HMGCL: variants seen among roughly 807,000 people sequenced by gnomAD.
HMGCL encodes hydroxymethylglutaryl-CoA lyase, mitochondrial.
A neutral mutation model predicts 37.3 loss-of-function variants in HMGCL; 26 were observed. The observed-to-expected ratio is 0.70, with a 90% CI of 0.51 to 0.97. The LOEUF (loss-of-function observed/expected upper bound fraction) is 0.97. Among genes scored for constraint, HMGCL ranks in the 50% least tolerant of loss-of-function variants. The pLI, the probability that HMGCL is intolerant of heterozygous loss-of-function variation, is 0.00. For missense variants in HMGCL, 379 were observed against 398.1 expected, an observed-to-expected ratio of 0.95 and a Z score of 0.41; for synonymous variants, 151 against 148.0, an observed-to-expected ratio of 1.02 and a Z score of -0.15.
rs181320985 is a variant in HMGCL, at chr1:23,821,267, G to A, written c.61-674C>T. Among the ~76,000 whole-genome samples the A allele has an allele frequency of 9.6e-3, 1,458 of 152,200 alleles. 16 individuals are homozygous for A. The highest frequency in any genetic ancestry group is 0.016 in the Non-Finnish European group (1,096 of 68,022). ...AGCTACTCAAGAGGCTGAGGCAGGA[G>A]AATTGCTTGAACCAGGGAGGTGGAA... On this transcript the variant is annotated intron_variant, in intron 1 of 8. Coordinates refer to ENST00000374490, the MANE Select transcript of HMGCL (RefSeq NM_000191.3).
intron 1 of HMGCL, among the ~76,000 whole-genome samples, chr1:23,821,578 G>A (rs763017974): frequency 7.2e-5 from 11 of 152,110 alleles, no homozygotes; most frequent in Non-Finnish European, 1.6e-4. Flanking sequence ...AGAATCGCTT[G>A]AGCCCAGAAG....
In HMGCL at chr1:23,802,216, G is replaced by T. The variant is rs1361708666; in HGVS notation, c.*247C>A. On this transcript the variant is annotated 3_prime_UTR_variant, in exon 9 of 9. Transcript: ENST00000374490. Reference sequence around the variant, plus strand: ...CTCAGGCATTCAACTCCTGGGCCAGGGTCCGTAACAAAGGGAGACTTCAGC... The same window carrying T: ...CTCAGGCATTCAACTCCTGGGCCAGTGTCCGTAACAAAGGGAGACTTCAGC... 8 of 598,610 alleles carry T rather than the reference G, an allele frequency of 1.3e-5. No individual in the cohort carries two copies. Among genetic ancestry groups the T allele is most frequent in the Non-Finnish European group, 2.4e-5 (8 of 336,852 alleles). The allele number at this position is 598,610 out of a possible 1,614,324, so 37.1% of individuals were successfully genotyped here.
intron 7 of HMGCL, 25 bp downstream of exon 7, chr1:23,808,110 A>G (rs1246693279): frequency 1.2e-6 from 2 of 1,604,874 alleles, no homozygotes; most frequent in African/African-American, 1.3e-5. Context: ...GACCTTTGGG[A>G]GAATGGGCAT....
Position 23,802,492 on chromosome 1 carries a change from T to G in HMGCL, c.949A>C (p.Lys317Gln), listed in dbSNP as rs770526287. 1.9e-6 allele frequency: 3 copies of G among 1,613,956 alleles called. No individual in the cohort carries two copies. Among genetic ancestry groups the G allele is most frequent in the Admixed American group, 3.3e-5 (2 of 60,024 alleles). ...CQALNRKTSS[K>Q]VAQATCKL Reference sequence around the variant, plus strand: ...AGTTTACAGGTAGCCTGAGCCACTTTGGAGCTAGTTTTTCTGTTCAGGGCT... The same window carrying G: ...AGTTTACAGGTAGCCTGAGCCACTTGGGAGCTAGTTTTTCTGTTCAGGGCT... The change falls in exon 9 of 9, where the codon AAA (lysine) becomes CAA (glutamine). Residue 317 changes from lysine to glutamine, a missense_variant. By Grantham distance (53) the Lys-to-Gln change is moderately conservative. Coordinates refer to ENST00000374490, the MANE Select transcript of HMGCL (RefSeq NM_000191.3).
rs1330812634 is a variant in HMGCL at position 23,806,022 on chromosome 1, A to C, written c.751-1497T>G. ...ACTGGCGCCATCTCAGCTCACTGCA[A>C]ATCACTGCAACCTCCACCTCCCGGG... On this transcript the variant is annotated intron_variant, in intron 7 of 8. Transcript: ENST00000374490. The surrounding 1 kb of genome is among the most constrained non-coding windows in gnomAD (Gnocchi z 4.0). Among the ~76,000 whole-genome samples, 2 of 151,980 alleles carry C rather than the reference A, an allele frequency of 1.3e-5. No homozygotes were observed. Among genetic ancestry groups the C allele is most frequent in the African/African-American group, 4.8e-5 (2 of 41,364 alleles).
chr1:23,813,821 C>A, intron 5 of HMGCL: 1 of 316,462 alleles, frequency 3.2e-6, no homozygotes, highest in Non-Finnish European at 6.2e-6. Flanking sequence ...CTCAACTGAC[C>A]TCCACAAACC....
rs373232272 is a variant in HMGCL, at chr1:23,804,362, G to A, written c.876+38C>T. On this transcript the variant is annotated intron_variant, in intron 8 of 8. Coordinates refer to ENST00000374490, the MANE Select transcript of HMGCL (RefSeq NM_000191.3). Reference sequence around the variant, plus strand: ...TTCTCAGCTTCAGGCCCCCTGGTCAGTTCGGGGCTGTCGCCACCAGGGGGT... The same window carrying A: ...TTCTCAGCTTCAGGCCCCCTGGTCAATTCGGGGCTGTCGCCACCAGGGGGT... The A allele has an allele frequency of 5.0e-6, 8 of 1,613,496 alleles. No individual in the cohort carries two copies. In the African/African-American group the frequency reaches 9.3e-5, roughly 19 times the overall value.
rs1419446495 is a variant in HMGCL at position 23,802,190 on chromosome 1, C to T, written c.*273G>A. ...AGTAGGGAACGGGGTTCCCACACGT[C>T]CTCAGGCATTCAACTCCTGGGCCAG... On this transcript the variant is annotated 3_prime_UTR_variant, in exon 9 of 9. Transcript: ENST00000374490. The T allele has an allele frequency of 3.2e-5, 19 of 597,006 alleles. No homozygotes were observed. Among genetic ancestry groups the T allele is most frequent in the African/African-American group, 1.5e-4 (8 of 53,836 alleles). The allele number at this position is 597,006 out of a possible 1,614,324, so 37.0% of individuals were successfully genotyped here.
intron 1 of HMGCL, among the ~76,000 whole-genome samples, chr1:23,822,630 C>T (rs1638741461): frequency 6.6e-6 from 1 of 152,160 alleles, no homozygotes; most frequent in Admixed American, 6.6e-5. Context: ...AGCCAACAAG[C>T]TTTCTTAGAG....
At position 23,820,690 on chromosome 1, in the gene HMGCL, T is replaced by C. The variant is rs1244488970; in HGVS notation, c.61-97A>G. 9.8e-6 allele frequency: 8 copies of C among 820,338 alleles called. No individual in the cohort carries two copies. The African/African-American group carries it at 1.3e-4, about 14-fold the overall frequency. The allele number at this position is 820,338 out of a possible 1,614,324, so 50.8% of individuals were successfully genotyped here. ...AGAATGGATCTATCTTCACTAATAA[T>C]GAGACAAGAAGAAATATTTCTCACC... On this transcript the variant is annotated intron_variant, in intron 1 of 8. Transcript: ENST00000374490.
chr1:23,821,537 T>C (rs1219229440), intron 1 of HMGCL, among the ~76,000 whole-genome samples: 1 of 151,842 alleles, frequency 6.6e-6, no homozygotes, highest in African/African-American at 2.4e-5. Flanking sequence ...AATGGACATG[T>C]AGTCCCAGCT....
intron 7 of HMGCL, among the ~76,000 whole-genome samples, chr1:23,804,888 C>T (rs1440870484): frequency 8.3e-6 from 1 of 121,128 alleles, no homozygotes; most frequent in Non-Finnish European, 1.7e-5. Context: ...CCCCCCCCCA[C>T]TTACCCCCCA....
At chr1:23,824,146 G>A (rs777165857) in intron 1 of HMGCL, among the ~76,000 whole-genome samples, 14 of 152,182 alleles carry the variant, frequency 9.2e-5, no homozygotes, top group Non-Finnish European at 1.8e-4. Context: ...GTGTCCTGAG[G>A]TATGGTGTAC....
chr1:23,816,234 T>A, intron 4 of HMGCL: 1 of 263,432 alleles, frequency 3.8e-6, no homozygotes. Context: ...CAAAAAAAGG[T>A]TTTTGCCTAA....
intron 7 of HMGCL, among the ~76,000 whole-genome samples, chr1:23,805,572 T>A (rs1638392800): frequency 6.6e-6 from 1 of 152,188 alleles, no homozygotes; most frequent in East Asian, 1.9e-4. Context: ...AGCCGCATCA[T>A]CTTGGACACC....
Position 23,825,338 on chromosome 1 carries a change from G to A in HMGCL, c.60+18C>T, listed in dbSNP as rs1012054316. 25 of 1,551,072 alleles carry A rather than the reference G, an allele frequency of 1.6e-5. 1 individual carries two copies. The highest frequency in any genetic ancestry group is 2.0e-5 in the Non-Finnish European group (23 of 1,146,954). The stretch of plus-strand genomic sequence containing the variant: ...GAGTGCCTGCAGGGCCGCCGCCTCG[G>A]CGGCTCGGGGCACTTACAGCCCGGA... On this transcript the variant is annotated intron_variant, in intron 1 of 8. Transcript: ENST00000374490.
intron 1 of HMGCL, among the ~76,000 whole-genome samples, chr1:23,821,854 T>G (rs1217937908): frequency 6.6e-6 from 1 of 152,094 alleles, no homozygotes; most frequent in Non-Finnish European, 1.5e-5. Context: ...TCTGGCTTTT[T>G]TTAAAAAAAC....
At chr1:23,805,010 C>T (rs1397155666) in intron 7 of HMGCL, among the ~76,000 whole-genome samples, 1 of 151,874 alleles carries the variant, frequency 6.6e-6, no homozygotes, top group Non-Finnish European at 1.5e-5. Flanking sequence ...ACTTTCTCCT[C>T]TCTTCTTAAA....
intron 6 of HMGCL, 75 bp downstream of exon 6, chr1:23,810,661 G>C (rs1638502919): frequency 1.6e-6 from 2 of 1,252,464 alleles, no homozygotes; most frequent in South Asian, 2.4e-5. Flanking sequence ...AGGGTGGGGA[G>C]AGGAACCTAT....
Sources: allele counts gnomAD v4.1 joint callset (sites outside exome capture counted in the v4.1 genomes callset), GRCh38; gene constraint gnomAD v4.1.1; non-coding constraint Gnocchi (gnomAD v3.1); transcripts MANE v1.5; gene names NCBI Gene and HGNC (gene_info 2026-07-23, HGNC 2026-07-21).